ZNF10: variants seen among roughly 807,000 people sequenced by gnomAD.
The protein encoded by ZNF10 is zinc finger protein 10, also known as zinc finger protein 10 (KOX 1).
A neutral mutation model predicts 12.2 loss-of-function variants in ZNF10; 8 were observed. That is an observed-to-expected ratio of 0.66 (90% CI 0.39 to 1.18). The LOEUF (loss-of-function observed/expected upper bound fraction) is 1.18, where lower values mean the gene tolerates loss of function less well. Among genes scored for constraint, ZNF10 ranks in the 50% most tolerant of loss-of-function variants. The probability of loss-of-function intolerance (pLI) is 0.01; values close to 1 mark genes in which losing one functional copy is unlikely to be tolerated. For synonymous variants in ZNF10, 229 were observed against 228.2 expected, an observed-to-expected ratio of 1.00 and a Z score of -0.03; for missense variants, 603 against 678.9, an observed-to-expected ratio of 0.89 and a Z score of 1.24.
chr12:133,142,400 A>T (rs1275417704), intron 1 of ZNF10, among the ~76,000 whole-genome samples: 1 of 121,828 alleles, frequency 8.2e-6, no homozygotes. Context: ...ACAGAGTGAG[A>T]CTCCGTCTCC....
intron 1 of ZNF10, among the ~76,000 whole-genome samples, chr12:133,136,783 A>G (rs1437529739): frequency 6.6e-6 from 1 of 152,162 alleles, no homozygotes; most frequent in African/African-American, 2.4e-5. Flanking sequence ...AGTTACTCTT[A>G]AATATGTGAC....
Position 133,152,252 on chromosome 12 carries a change from T to C in ZNF10, c.256+348T>C, listed in dbSNP as rs572288484. 1.1e-4 allele frequency among the ~76,000 whole-genome samples: 16 copies of C among 152,326 alleles called. No homozygotes were observed. In the East Asian group the frequency reaches 1.5e-3, roughly 15 times the overall value. ...GACCCCTTCCCACAACTCAGTTCTC[T>C]GTGCAAGCTCTGGAGTGGGACTCTT... On this transcript the variant is annotated intron_variant, in intron 4 of 4. Transcript: ENST00000248211.
At chr12:133,134,576 T>C (rs961394140) in intron 1 of ZNF10, among the ~76,000 whole-genome samples, 13 of 152,216 alleles carry the variant, frequency 8.5e-5, no homozygotes, top group African/African-American at 2.7e-4. Context: ...AGAATTGTTA[T>C]GTAACAAATG....
chr12:133,149,413 A>G (rs1014230609), intron 2 of ZNF10, among the ~76,000 whole-genome samples: 3 of 138,266 alleles, frequency 2.2e-5, no homozygotes, highest in African/African-American at 8.4e-5. Context: ...GCTAGAGTAC[A>G]GTGGTGTGAT....
chr12:133,156,731 G>A lies in ZNF10; in HGVS notation c.1485G>A (p.Gly495=), dbSNP rs1239069236. ...AACCATATGAATGCTGTCAGTGTGGGAAAGCCTTCATCCGGAAGAATGACC... is the reference window on the plus strand; with the variant it reads ...AACCATATGAATGCTGTCAGTGTGGAAAAGCCTTCATCCGGAAGAATGACC... ...GEKPYECCQC[G]KAFIRKNDLI... Residue 495 remains glycine (G), a synonymous_variant, in exon 5 of 5, where the codon GGG becomes GGA. Coordinates refer to ENST00000248211, the MANE Select transcript of ZNF10 (RefSeq NM_015394.5). 1 of 1,611,286 alleles carries A rather than the reference G, an allele frequency of 6.2e-7. No homozygotes were observed. Among genetic ancestry groups the A allele is most frequent in the African/African-American group, 1.3e-5 (1 of 74,844 alleles).
chr12:133,148,445 T>C (rs1416223866), intron 2 of ZNF10, among the ~76,000 whole-genome samples: 1 of 152,172 alleles, frequency 6.6e-6, no homozygotes, highest in Non-Finnish European at 1.5e-5. Context: ...TTTGGTGTTA[T>C]TGTTAAGAAC....
In ZNF10 at chr12:133,151,806, C is replaced by A; in HGVS notation, c.161-3C>A. On this transcript the variant is annotated splice_region_variant and splice_polypyrimidine_tract_variant and intron_variant, in intron 3 of 4. Coordinates refer to ENST00000248211, the MANE Select transcript of ZNF10 (RefSeq NM_015394.5). ...CCTGTTCTTTGTCTTTCACTGTGAA[C>A]AGGTTATCAGCTTACTAAGCCAGAT... 1 of 1,612,792 alleles carries A rather than the reference C, an allele frequency of 6.2e-7. No individual in the cohort carries two copies. The highest frequency in any genetic ancestry group is 8.5e-7 in the Non-Finnish European group (1 of 1,179,086).
intron 2 of ZNF10, among the ~76,000 whole-genome samples, chr12:133,145,906 T>A (rs139687551): frequency 1.1e-4 from 17 of 152,000 alleles, no homozygotes; most frequent in African/African-American, 4.1e-4. Context: ...GGTTCTTGGC[T>A]AACATGTCAT....
Position 133,147,816 on chromosome 12 carries a change from C to T in ZNF10, c.34-3212C>T, listed in dbSNP as rs111371438. Among the ~76,000 whole-genome samples the T allele has an allele frequency of 4.3e-3, 625 of 146,060 alleles. 3 individuals are homozygous for T. Among genetic ancestry groups the T allele is most frequent in the African/African-American group, 0.015 (603 of 39,434 alleles). On this transcript the variant is annotated intron_variant, in intron 2 of 4. Transcript: ENST00000248211. ...TTTTTTTTTTGTATTTTAGTAGAGACGGGGTTTCACCGTGTTGCCCAGGCT... is the reference window on the plus strand; with the variant it reads ...TTTTTTTTTTGTATTTTAGTAGAGATGGGGTTTCACCGTGTTGCCCAGGCT...
At chr12:133,144,593 T>C in intron 2 of ZNF10, 68 bp downstream of exon 2, 1 of 1,467,196 alleles carries the variant, frequency 6.8e-7, no homozygotes, top group Non-Finnish European at 9.4e-7. Context: ...TTGCCAAAGA[T>C]CTTCAGAAAT....
rs867232402 is a variant in ZNF10 at position 133,156,232 on chromosome 12, C to T, written c.986C>T (p.Ser329Phe). Residue 329 changes from serine (S) to phenylalanine (F), a missense_variant, in exon 5 of 5, where the codon TCC (serine) becomes TTC (phenylalanine). Around this residue, in one of 3 missense-constraint regions of ZNF10, gnomAD observed 393 missense variants for 399.7 expected, o/e 0.98. Transcript: ENST00000248211. ...EPYECKECGK[S>F]FSWFSHLVTH... is the part of the protein sequence containing the mutation. ...TATGAATGTAAAGAATGTGGAAAAT[C>T]CTTCAGCTGGTTCTCTCACCTTGTT... 6.2e-7 allele frequency: 1 copy of T among 1,614,068 alleles called. No homozygotes were observed. The highest frequency in any genetic ancestry group is 8.5e-7 in the Non-Finnish European group (1 of 1,180,006).
At chr12:133,144,589 A>G in intron 2 of ZNF10, 64 bp downstream of exon 2, 1 of 1,493,182 alleles carries the variant, frequency 6.7e-7, no homozygotes, top group Non-Finnish European at 9.2e-7. Flanking sequence ...TCCTTTGCCA[A>G]AGATCTTCAG....
At chr12:133,147,636 G>A (rs1361453524) in intron 2 of ZNF10, among the ~76,000 whole-genome samples, 9 of 131,590 alleles carry the variant, frequency 6.8e-5, no homozygotes, top group African/African-American at 2.6e-4. Context: ...TTTGGGAGAC[G>A]GAGTCTTGCT....
chr12:133,135,719 A>G (rs1036490199), intron 1 of ZNF10, among the ~76,000 whole-genome samples: 5 of 152,188 alleles, frequency 3.3e-5, no homozygotes, highest in Non-Finnish European at 5.9e-5. Context: ...ACTCATGTCT[A>G]TACCAAAACT....
At chr12:133,155,407 A>G (rs1391425154) in intron 4 of ZNF10, 96 bp from the exon 5 acceptor site, 6 of 1,306,050 alleles carry the variant, frequency 4.6e-6, no homozygotes, top group Non-Finnish European at 6.2e-6. Flanking sequence ...TTTGAAAGCA[A>G]CTGTGTACAT....
At position 133,159,052 on chromosome 12, in the gene ZNF10, T is replaced by A. The variant is rs906510071; in HGVS notation, c.*2084T>A. 4 of 152,238 alleles carry A rather than the reference T, an allele frequency of 2.6e-5. No homozygotes were observed. The highest frequency in any genetic ancestry group is 4.4e-5 in the Non-Finnish European group (3 of 68,050). 9.4% of individuals were successfully genotyped at this position (152,238 alleles called of 1,614,324 possible). A position where few individuals can be genotyped will look rare whatever the true frequency, so the allele number is the denominator to read the frequency against. The stretch of plus-strand genomic sequence containing the variant: ...GCTAATAACCTGTGGCTCAATTTCC[T>A]CAACTGTATAATGAGGTTACTACTA... On this transcript the variant is annotated 3_prime_UTR_variant, in exon 5 of 5. Coordinates refer to ENST00000248211, the MANE Select transcript of ZNF10 (RefSeq NM_015394.5).
At chr12:133,137,387 C>G (rs1346105351) in intron 1 of ZNF10, among the ~76,000 whole-genome samples, 2 of 152,216 alleles carry the variant, frequency 1.3e-5, no homozygotes, top group Non-Finnish European at 2.9e-5. Context: ...TCTGGCTTTG[C>G]ACACCTCTGG....
intron 1 of ZNF10, 170 bp from the exon 2 acceptor site, chr12:133,144,264 A>G: frequency 2.5e-6 from 1 of 394,598 alleles, no homozygotes. Context: ...TTCTCTTCCT[A>G]ATCTTGGGGA....
rs144855791 is a variant in ZNF10, at chr12:133,153,557, A to C, written c.256+1653A>C. Among the ~76,000 whole-genome samples, 55 of 152,194 alleles carry C rather than the reference A, an allele frequency of 3.6e-4. No individual in the cohort carries two copies. In the East Asian group the frequency reaches 8.9e-3, roughly 25 times the overall value. On this transcript the variant is annotated intron_variant, in intron 4 of 4. Coordinates refer to ENST00000248211, the MANE Select transcript of ZNF10 (RefSeq NM_015394.5). Reference sequence around the variant, plus strand: ...CTGATGTTCTGGGTTGGGGAAAGGGAGGAAAGGGTGGTGTATTTCCTATTA... The same window carrying C: ...CTGATGTTCTGGGTTGGGGAAAGGGCGGAAAGGGTGGTGTATTTCCTATTA...
Sources: gnomAD v4.1 joint callset for allele counts (sites outside exome capture counted in the v4.1 genomes callset) on GRCh38, gnomAD v4.1.1 for gene constraint, gnomAD v4.1.1 regional missense constraint, MANE v1.5 for transcripts, NCBI Gene and HGNC (gene_info 2026-07-23, HGNC 2026-07-21) for gene names.